SENP1: variants seen among roughly 807,000 people sequenced by gnomAD.
The protein encoded by SENP1 is SUMO specific peptidase 1, also known as sentrin-specific protease 1.
A neutral mutation model predicts 93.0 loss-of-function variants in SENP1; 21 were observed. The observed-to-expected ratio is 0.23, with a 90% CI of 0.16 to 0.33. The LOEUF (loss-of-function observed/expected upper bound fraction) is 0.33. SENP1 is among the 10% of genes least tolerant of loss of function. The probability of loss-of-function intolerance (pLI) is 1.00; values close to 1 mark genes in which losing one functional copy is unlikely to be tolerated. For missense variants in SENP1, 591 were observed against 758.7 expected (o/e 0.78, Z 2.60); for synonymous variants, 256 against 259.6 (o/e 0.99, Z 0.13).
intron 1 of SENP1, chr12:48,105,099 A>G (rs1279202136): frequency 1.7e-5 from 4 of 233,144 alleles, no homozygotes; most frequent in Non-Finnish European, 3.6e-5. Context: ...TAATACATCC[A>G]GAATAACCAA....
chr12:48,066,892 A>T, intron 10 of SENP1, 35 bp downstream of exon 10: 1 of 1,475,334 alleles, frequency 6.8e-7, no homozygotes, highest in South Asian at 1.2e-5. Context: ...AAATGAACTG[A>T]TTGAGAAGGA....
chr12:48,050,252 T>C (rs954896591), intron 13 of SENP1, among the ~76,000 whole-genome samples: 2 of 152,174 alleles, frequency 1.3e-5, no homozygotes, highest in African/African-American at 4.8e-5. Context: ...CCCCTGTTCT[T>C]TGACAAATAT....
chr12:48,087,514 A>G (rs1944962213), intron 5 of SENP1, among the ~76,000 whole-genome samples: 1 of 152,212 alleles, frequency 6.6e-6, no homozygotes, highest in South Asian at 2.1e-4. Context: ...TATACACAAC[A>G]TATATATCAT....
chr12:48,046,022 T>C (rs1225200096), intron 17 of SENP1, among the ~76,000 whole-genome samples: 1 of 152,144 alleles, frequency 6.6e-6, no homozygotes, highest in East Asian at 1.9e-4. Context: ...CAAACCTGAC[T>C]ACTAACGAAA....
chr12:48,077,163 C>T (rs1944152536), intron 6 of SENP1, among the ~76,000 whole-genome samples: 1 of 152,150 alleles, frequency 6.6e-6, no homozygotes. Flanking sequence ...AGTTGAGCTC[C>T]TTATATATTT....
intron 13 of SENP1, among the ~76,000 whole-genome samples, chr12:48,051,809 T>G (rs185753865): frequency 5.5e-4 from 83 of 151,918 alleles, no homozygotes; most frequent in African/African-American, 2.0e-3. Context: ...CAAGACTCTC[T>G]TAGCACCAGC....
intron 4 of SENP1, among the ~76,000 whole-genome samples, chr12:48,091,355 C>T (rs1945213161): frequency 6.6e-6 from 1 of 151,446 alleles, no homozygotes; most frequent in South Asian, 2.1e-4. Context: ...GAGGCTGAGG[C>T]ATAAGAATCA....
At chr12:48,104,530 C>T (rs895481716) in intron 1 of SENP1, among the ~76,000 whole-genome samples, 1 of 152,132 alleles carries the variant, frequency 6.6e-6, no homozygotes, top group African/African-American at 2.4e-5. Flanking sequence ...ACTCTAACGC[C>T]GTAAACCCTA....
chr12:48,086,943 G>A (rs1220245840), intron 5 of SENP1, among the ~76,000 whole-genome samples: 1 of 152,140 alleles, frequency 6.6e-6, no homozygotes, highest in Non-Finnish European at 1.5e-5. Context: ...GAAGGCTGAG[G>A]CAGGAGAATT....
Position 48,053,607 on chromosome 12 carries a change from A to G in SENP1, c.1408-4475T>C, listed in dbSNP as rs115248108. ...AAAGTTTTGCTTCTTATTTTATGCC[A>G]CCAATCAAGTAAGAATATGCTCTCT... On this transcript the variant is annotated intron_variant, in intron 13 of 17. Transcript: ENST00000549518. Among the ~76,000 whole-genome samples, 371 of 152,096 alleles carry G rather than the reference A, an allele frequency of 2.4e-3. 1 individual carries two copies. The highest frequency in any genetic ancestry group is 8.5e-3 in the African/African-American group (352 of 41,502).
intron 4 of SENP1, among the ~76,000 whole-genome samples, chr12:48,091,071 G>A (rs1014662666): frequency 6.6e-6 from 1 of 152,276 alleles, no homozygotes; most frequent in Admixed American, 6.5e-5. Context: ...ATGATAGAGT[G>A]ATGGGTATTT....
intron 5 of SENP1, among the ~76,000 whole-genome samples, chr12:48,084,635 A>G (rs780305369): frequency 1.3e-5 from 2 of 151,916 alleles, no homozygotes; most frequent in Non-Finnish European, 2.9e-5. Flanking sequence ...TTTTGTAGAG[A>G]CAGGGTTTCA....
At chr12:48,048,251 G>C (rs1379117093) in intron 14 of SENP1, among the ~76,000 whole-genome samples, 171 bp from the exon 15 acceptor site, 1 of 152,128 alleles carries the variant, frequency 6.6e-6, no homozygotes, top group Non-Finnish European at 1.5e-5. Flanking sequence ...AAAAAATGAA[G>C]GGTTATTTAC....
At chr12:48,071,789 G>T in intron 8 of SENP1, 68 bp from the exon 9 acceptor site, 1 of 1,044,294 alleles carries the variant, frequency 9.6e-7, no homozygotes, top group Admixed American at 2.1e-5. Context: ...AGATATCTTA[G>T]TTTAAGTTCC....
At chr12:48,094,351 A>C (rs1483893549) in intron 4 of SENP1, among the ~76,000 whole-genome samples, 1 of 151,884 alleles carries the variant, frequency 6.6e-6, no homozygotes, top group Non-Finnish European at 1.5e-5. Context: ...CCACACTCCA[A>C]CCTGGGTGAC....
chr12:48,072,776 A>C (rs763070547), intron 8 of SENP1, among the ~76,000 whole-genome samples: 2 of 152,338 alleles, frequency 1.3e-5, no homozygotes, highest in Non-Finnish European at 2.9e-5. Flanking sequence ...TACTGCACCT[A>C]ATTTATAATC....
intron 8 of SENP1, 116 bp from the exon 9 acceptor site, chr12:48,071,837 A>G (rs1016186220): frequency 1.9e-5 from 13 of 680,206 alleles, no homozygotes; most frequent in Non-Finnish European, 3.0e-5. Flanking sequence ...AAAATAACAT[A>G]AGAACAAAGG....
At chr12:48,091,882 C>A (rs978837362) in intron 4 of SENP1, among the ~76,000 whole-genome samples, 3 of 152,034 alleles carry the variant, frequency 2.0e-5, no homozygotes, top group Admixed American at 1.3e-4. Flanking sequence ...GGTCTCAGTA[C>A]GTTGCCTGGG....
chr12:48,086,538 G>A (rs923235347), intron 5 of SENP1, among the ~76,000 whole-genome samples: 3 of 152,198 alleles, frequency 2.0e-5, no homozygotes, highest in Non-Finnish European at 2.9e-5. Flanking sequence ...CCAGAGGTCA[G>A]TCTAGCATCA....
Sources: gnomAD v4.1 joint callset for allele counts (sites outside exome capture counted in the v4.1 genomes callset) on GRCh38, gnomAD v4.1.1 for gene constraint, MANE v1.5 for transcripts, NCBI Gene and HGNC (gene_info 2026-07-23, HGNC 2026-07-21) for gene names.